BANF2: variants seen among roughly 807,000 people sequenced by gnomAD.
The protein encoded by BANF2 is barrier-to-autointegration factor-like protein.
In BANF2, 4 loss-of-function variants were observed where a neutral mutation model predicts 8.0. The observed-to-expected ratio is 0.50, with a 90% confidence interval of 0.25 to 1.14. BANF2 has a LOEUF of 1.14. Ranked by LOEUF, BANF2 falls within the 50% of genes most tolerant of loss-of-function variation. The probability of loss-of-function intolerance (pLI) is 0.16; values close to 1 mark genes in which losing one functional copy is unlikely to be tolerated. For missense variants in BANF2, 96 were observed against 107.5 expected (o/e 0.89, Z 0.47); for synonymous variants, 50 against 40.6 (o/e 1.23, Z -0.88).
intron 1 of BANF2, among the ~76,000 whole-genome samples, chr20:17,713,505 A>G (rs1024881300): frequency 6.6e-6 from 1 of 152,210 alleles, no homozygotes; most frequent in Non-Finnish European, 1.5e-5. Context: ...CAACGTGAGT[A>G]CATTGAACAC....
chr20:17,735,795 G>T lies in BANF2; in HGVS notation c.257G>T (p.Cys86Phe), dbSNP rs975642374. The change falls in exon 4 of 4, where the codon TGT becomes TTT. Residue 86 changes from cysteine to phenylalanine, a missense_variant. By Grantham distance (205) the Cys-to-Phe change is radical. Transcript: ENST00000246090. ...QQTSHCLKEW[C>F]ACFL ...ACTTCTCACTGCCTCAAGGAGTGGT[G>T]TGCCTGCTTCCTGTAGACACAAACC... is the stretch of plus-strand genomic sequence containing the variant. 1.2e-6 allele frequency: 2 copies of T among 1,613,530 alleles called. No individual in the cohort carries two copies. Among genetic ancestry groups the T allele is most frequent in the Non-Finnish European group, 1.7e-6 (2 of 1,179,924 alleles).
intron 1 of BANF2, among the ~76,000 whole-genome samples, chr20:17,716,841 CAAAAAAAAAAA>C (rs36007590): frequency 1.0e-4 from 9 of 89,908 alleles, no homozygotes; most frequent in South Asian, 9.6e-4. Flanking sequence ...GACTCCATCT[CAAAAAAAAAAA>C]AAAAAAAAAG....
intron 2 of BANF2, among the ~76,000 whole-genome samples, chr20:17,723,867 C>T (rs1698668777): frequency 6.6e-6 from 1 of 152,132 alleles, no homozygotes; most frequent in African/African-American, 2.4e-5. Flanking sequence ...TGGTGGCACA[C>T]ACCTGTAATC....
chr20:17,733,004 C>A (rs1162886397), intron 3 of BANF2, among the ~76,000 whole-genome samples: 2 of 152,134 alleles, frequency 1.3e-5, no homozygotes, highest in African/African-American at 4.8e-5. Context: ...CTGGAAGATG[C>A]CACAGGGAGA....
At chr20:17,726,543 T>C (rs922339703) in intron 3 of BANF2, among the ~76,000 whole-genome samples, 1 of 152,234 alleles carries the variant, frequency 6.6e-6, no homozygotes, top group Admixed American at 6.5e-5. Context: ...CCTATTGTGA[T>C]GTAACATACC....
chr20:17,702,953 G>T (rs2037431186), intron 1 of BANF2, among the ~76,000 whole-genome samples: 1 of 152,212 alleles, frequency 6.6e-6, no homozygotes, highest in East Asian at 1.9e-4. Flanking sequence ...ATCGGTGGCT[G>T]GTGGCGGTGT....
At chr20:17,718,254 A>C (rs1436810352) in intron 1 of BANF2, among the ~76,000 whole-genome samples, 1 of 152,082 alleles carries the variant, frequency 6.6e-6, no homozygotes, top group Non-Finnish European at 1.5e-5. Flanking sequence ...GCCCAGGCTG[A>C]AGTGCGATGG....
rs374719840 is a variant in BANF2, at chr20:17,707,382, C to CAAAAAAAAAAAAAA, written c.-167+7335_-167+7336insAAAAAAAAAAAAAA. ...TGGGGGACAGAGCGAGACTCTGTGT[C>CAAAAAAAAAAAAAA]AAAAAAAAGAAAATCCCAGTAAGGA... On this transcript the variant is annotated intron_variant, in intron 1 of 3. Coordinates refer to ENST00000246090, the MANE Select transcript of BANF2 (RefSeq NM_178477.5). 6.0e-4 allele frequency among the ~76,000 whole-genome samples: 86 copies of CAAAAAAAAAAAAAA among 142,368 alleles called. 1 individual carries two copies. The highest frequency in any genetic ancestry group is 1.9e-3 in the African/African-American group (70 of 36,614). 93.4% of individuals were successfully genotyped at this position (142,368 alleles called of 152,430 possible). A position where few individuals can be genotyped will look rare whatever the true frequency, so the allele number is the denominator to read the frequency against.
Position 17,735,772 on chromosome 20 carries a change from T to A in BANF2, c.234T>A (p.Thr78=). 6.2e-7 allele frequency: 1 copy of A among 1,613,904 alleles called. No individual in the cohort carries two copies. The highest frequency in any genetic ancestry group is 1.1e-5 in the South Asian group (1 of 91,062). Residue 78 remains threonine, a synonymous_variant, in exon 4 of 4, where the codon ACT becomes ACA. Transcript: ENST00000246090. ...CCACTGAGTGTGAGGCCCAGCAGAC[T>A]TCTCACTGCCTCAAGGAGTGGTGTG... ...FGATECEAQQ[T]SHCLKEWCAC...
At chr20:17,730,319 C>T (rs1021327793) in intron 3 of BANF2, among the ~76,000 whole-genome samples, 1 of 152,142 alleles carries the variant, frequency 6.6e-6, no homozygotes, top group Non-Finnish European at 1.5e-5. Context: ...TGAATCTGGG[C>T]GGATAGGCTG....
chr20:17,697,311 G>A (rs1027020103), upstream of BANF2, among the ~76,000 whole-genome samples: 2 of 152,170 alleles, frequency 1.3e-5, no homozygotes, highest in Non-Finnish European at 2.9e-5. Flanking sequence ...TCCCCTGGGG[G>A]TAGCACATTC....
intron 3 of BANF2, among the ~76,000 whole-genome samples, chr20:17,730,371 A>C (rs2037875648): frequency 6.6e-6 from 1 of 151,986 alleles, no homozygotes; most frequent in Non-Finnish European, 1.5e-5. Context: ...TGCCCCTAAA[A>C]CTGAAGCTGT....
chr20:17,701,201 G>A (rs1010312138), intron 1 of BANF2, among the ~76,000 whole-genome samples: 1 of 152,114 alleles, frequency 6.6e-6, no homozygotes, highest in African/African-American at 2.4e-5. Flanking sequence ...ACTGGAAAAG[G>A]AAAAAAGACA....
intron 3 of BANF2, among the ~76,000 whole-genome samples, chr20:17,732,087 A>G (rs558039353): frequency 5.9e-5 from 9 of 152,236 alleles, no homozygotes; most frequent in African/African-American, 2.2e-4. Context: ...AAAAAAAGGA[A>G]AACTAATAAA....
intron 1 of BANF2, among the ~76,000 whole-genome samples, chr20:17,702,683 G>A (rs2037426786): frequency 6.6e-6 from 1 of 152,240 alleles, no homozygotes; most frequent in Middle Eastern, 3.4e-3. Context: ...ATTTAACCCT[G>A]GGGAAAACTG....
At chr20:17,724,644 G>A (rs1223242033) in intron 2 of BANF2, among the ~76,000 whole-genome samples, 1 of 152,174 alleles carries the variant, frequency 6.6e-6, no homozygotes, top group East Asian at 1.9e-4. Flanking sequence ...CTAAAGTGTT[G>A]GGTGGTTAAG....
intron 2 of BANF2, among the ~76,000 whole-genome samples, chr20:17,723,996 A>AAAAAC (rs1249250160): frequency 6.6e-6 from 1 of 152,198 alleles, no homozygotes; most frequent in South Asian, 2.1e-4. Flanking sequence ...ACTTCATCAC[A>AAAAAC]AAAACAAAAC....
intron 1 of BANF2, among the ~76,000 whole-genome samples, chr20:17,714,504 T>C (rs1023269365): frequency 6.6e-6 from 1 of 152,162 alleles, no homozygotes; most frequent in Admixed American, 6.5e-5. Context: ...TCACAAAGGT[T>C]GGGAGACAGA....
intron 1 of BANF2, among the ~76,000 whole-genome samples, chr20:17,704,772 A>G (rs2037457444): frequency 6.6e-6 from 1 of 152,228 alleles, no homozygotes; most frequent in African/African-American, 2.4e-5. Flanking sequence ...TGGAGCACAT[A>G]TGGCTTCAGG....
Sources: gnomAD v4.1 joint callset for allele counts (sites outside exome capture counted in the v4.1 genomes callset) on GRCh38, gnomAD v4.1.1 for gene constraint, MANE v1.5 for transcripts, NCBI Gene and HGNC (gene_info 2026-07-23, HGNC 2026-07-21) for gene names.